Variants in RPH3AL observed in about 807,000 individuals in gnomAD.
RPH3AL encodes the protein rabphilin 3A like (without C2 domains), also known as rab effector Noc2.
Under a neutral mutation model 43.1 loss-of-function variants are expected in RPH3AL, and 38 were observed. The ratio of observed to expected loss-of-function variants is 0.88; its 90% confidence interval spans 0.68 to 1.15. The LOEUF (loss-of-function observed/expected upper bound fraction) is 1.15. RPH3AL is among the 50% of genes most tolerant of loss of function. RPH3AL has a pLI of 0.00. For synonymous variants in RPH3AL, 189 were observed against 176.3 expected (o/e 1.07, Z -0.57); for missense variants, 462 against 423.2 (o/e 1.09, Z -0.81).
chr17:215,698 C>T lies in RPH3AL; in HGVS notation c.832G>A (p.Asp278Asn). ...CCGGGGCGGGGTCCCCCTGGCGGGT[C>T]AGCAGAGCCTGTCCCCGTCTCACCA... ...ASGETGTGSA[D>N]PPGGPRPGLT... is the part of the protein sequence containing the mutation. The change falls in exon 9 of 10, where the codon GAC (aspartate) becomes AAC (asparagine). Residue 278 changes from aspartate (D) to asparagine (N), a missense_variant. Physicochemically the swap from Asp to Asn is conservative, Grantham distance 23 (BLOSUM62 1). Coordinates refer to ENST00000331302, the MANE Select transcript of RPH3AL (RefSeq NM_006987.4). The surrounding 1 kb of genome is among the most constrained non-coding windows in gnomAD (Gnocchi z 4.1). 3 of 1,278,548 alleles carry T rather than the reference C, an allele frequency of 2.3e-6. No individual in the cohort carries two copies. Among genetic ancestry groups the T allele is most frequent in the Non-Finnish European group, 3.0e-6 (3 of 1,007,376 alleles). 79.2% of individuals were successfully genotyped at this position (1,278,548 alleles called of 1,614,324 possible).
chr17:349,744 A>G (rs776901805), intron 1 of RPH3AL, among the ~76,000 whole-genome samples: 8 of 152,220 alleles, frequency 5.3e-5, no homozygotes, highest in Non-Finnish European at 1.0e-4. Flanking sequence ...CCACCTTAAG[A>G]CATAACCTTC....
At chr17:345,712 C>T (rs2045224495) in intron 1 of RPH3AL, among the ~76,000 whole-genome samples, 1 of 121,530 alleles carries the variant, frequency 8.2e-6, no homozygotes, top group Admixed American at 7.7e-5. Context: ...TGCTCCCCAT[C>T]TGCGTGCATA....
At chr17:349,827 C>G (rs1380349418) in intron 1 of RPH3AL, among the ~76,000 whole-genome samples, 1 of 152,190 alleles carries the variant, frequency 6.6e-6, no homozygotes, top group Non-Finnish European at 1.5e-5. Context: ...GCAGCAGCAG[C>G]TGACATTTCT....
intron 6 of RPH3AL, among the ~76,000 whole-genome samples, chr17:281,198 G>A (rs565861281): frequency 3.3e-5 from 5 of 152,268 alleles, no homozygotes; most frequent in East Asian, 3.9e-4. Context: ...CAGAAGGGGC[G>A]TTGGGTGGCA....
At chr17:315,688 C>A (rs2044042794) in intron 5 of RPH3AL, among the ~76,000 whole-genome samples, 1 of 152,262 alleles carries the variant, frequency 6.6e-6, no homozygotes. Context: ...CCTGTGACCC[C>A]ACCTCCATTG....
intron 7 of RPH3AL, 110 bp downstream of exon 7, chr17:247,001 G>A: frequency 8.5e-7 from 1 of 1,174,954 alleles, no homozygotes; most frequent in East Asian, 2.4e-5. Flanking sequence ...ACCAGAATGA[G>A]CCTCGTGGAT....
chr17:316,774 C>G (rs981764742), intron 5 of RPH3AL, among the ~76,000 whole-genome samples: 1 of 122,922 alleles, frequency 8.1e-6, no homozygotes, highest in Non-Finnish European at 1.7e-5. Context: ...CCTGAAGTCC[C>G]TGTGCCCCCA....
At chr17:309,359 G>A (rs1246898657) in intron 5 of RPH3AL, among the ~76,000 whole-genome samples, 4 of 152,134 alleles carry the variant, frequency 2.6e-5, no homozygotes, top group South Asian at 4.1e-4. Context: ...ATACCAAACA[G>A]AGAGGGAAGC....
chr17:242,211 G>A (rs2041557228), intron 7 of RPH3AL, among the ~76,000 whole-genome samples: 1 of 152,060 alleles, frequency 6.6e-6, no homozygotes, highest in African/African-American at 2.4e-5. Context: ...ATTGCTCTGT[G>A]GGTTGAAAAG....
chr17:296,763 A>G lies in RPH3AL; in HGVS notation c.352-14909T>C, dbSNP rs73971686. Among the ~76,000 whole-genome samples the G allele has an allele frequency of 2.3e-3, 344 of 152,312 alleles. 1 individual carries two copies. Among genetic ancestry groups the G allele is most frequent in the African/African-American group, 8.0e-3 (333 of 41,552 alleles). On this transcript the variant is annotated intron_variant, in intron 5 of 9. Coordinates refer to ENST00000331302, the MANE Select transcript of RPH3AL (RefSeq NM_006987.4). ...ATTGTTTTGAAACTTCAAGTCACAT[A>G]TGAAAAAAAGGGTGTGGAAGGGTTC... is the stretch of plus-strand genomic sequence containing the variant.
intron 7 of RPH3AL, among the ~76,000 whole-genome samples, chr17:241,487 C>T (rs1168072696): frequency 6.6e-6 from 1 of 152,158 alleles, no homozygotes; most frequent in Admixed American, 6.5e-5. Flanking sequence ...AGATTTTACT[C>T]AGCCATGAAA....
At chr17:275,238 A>C (rs1291753630) in intron 6 of RPH3AL, among the ~76,000 whole-genome samples, 2 of 78,972 alleles carry the variant, frequency 2.5e-5, no homozygotes, top group African/African-American at 3.4e-5. Flanking sequence ...AACAGCAAAA[A>C]AAACAAAAAA....
chr17:233,838 TCCCCTG>T (rs1438312838), intron 7 of RPH3AL, among the ~76,000 whole-genome samples: 2,094 of 148,682 alleles, frequency 0.014, 104 homozygotes, highest in African/African-American at 0.049. Flanking sequence ...AGCGGCTACT[TCCCCTG>T]ACCAACTTCC....
intron 7 of RPH3AL, among the ~76,000 whole-genome samples, chr17:243,650 CCCTTCCTCTATTGACTA>C (rs71143487): frequency 8.3e-4 from 56 of 67,096 alleles, no homozygotes; most frequent in African/African-American, 9.4e-4. Flanking sequence ...CTATTGATTA[CCCTTCCTCTATTGACTA>C]CCTTCCTCTA....
chr17:315,314 T>C (rs1453486059), intron 5 of RPH3AL, among the ~76,000 whole-genome samples: 10 of 146,672 alleles, frequency 6.8e-5, no homozygotes, highest in Admixed American at 2.8e-4. Context: ...CTGTAGTCCC[T>C]GTGACCCCAC....
intron 5 of RPH3AL, among the ~76,000 whole-genome samples, chr17:307,927 G>A (rs2043541772): frequency 1.3e-5 from 2 of 152,234 alleles, no homozygotes; most frequent in African/African-American, 4.8e-5. Flanking sequence ...ATGCCGTGCG[G>A]TGTCTGGTCC....
At chr17:277,936 C>T (rs948354944) in intron 6 of RPH3AL, among the ~76,000 whole-genome samples, 1 of 151,742 alleles carries the variant, frequency 6.6e-6, no homozygotes, top group Admixed American at 6.6e-5. Context: ...GCCTGGGTGA[C>T]ACAGTGAGAT....
chr17:262,506 A>ATG, intron 6 of RPH3AL, among the ~76,000 whole-genome samples: 1 of 149,206 alleles, frequency 6.7e-6, no homozygotes, highest in Non-Finnish European at 1.5e-5. Context: ...GAGCCACCGC[A>ATG]CCCGGCCAAC....
intron 1 of RPH3AL, among the ~76,000 whole-genome samples, chr17:342,944 G>A (rs59543262): frequency 0.057 from 8,712 of 152,252 alleles, 805 homozygotes; most frequent in African/African-American, 0.2. Flanking sequence ...CAAGGAAATT[G>A]TTAGTGATGG....
Sources: allele counts gnomAD v4.1 joint callset (sites outside exome capture counted in the v4.1 genomes callset), GRCh38; gene constraint gnomAD v4.1.1; non-coding constraint Gnocchi (gnomAD v3.1); transcripts MANE v1.5; gene names NCBI Gene and HGNC (gene_info 2026-07-23, HGNC 2026-07-21).